Variants in CDH9 observed in about 807,000 individuals in gnomAD.
CDH9 encodes the protein cadherin-9.
Under a neutral mutation model 70.9 loss-of-function variants are expected in CDH9, and 28 were observed. The observed-to-expected ratio is 0.40, with a 90% CI of 0.29 to 0.54. The LOEUF (loss-of-function observed/expected upper bound fraction) is 0.54, where lower values mean the gene tolerates loss of function less well. Among genes scored for constraint, CDH9 ranks in the 20% least tolerant of loss-of-function variants. The probability of loss-of-function intolerance (pLI) is 0.59; values close to 1 mark genes in which losing one functional copy is unlikely to be tolerated. For missense variants in CDH9, 874 were observed against 984.4 expected, an observed-to-expected ratio of 0.89 and a Z score of 1.50; for synonymous variants, 409 against 343.1, an observed-to-expected ratio of 1.19 and a Z score of -2.12.
chr5:27,023,054 T>C (rs1371109928), intron 1 of CDH9, among the ~76,000 whole-genome samples: 4 of 152,078 alleles, frequency 2.6e-5, no homozygotes, highest in Admixed American at 6.6e-5. Flanking sequence ...AGCCCTTAGA[T>C]GTCTTCTAGC....
At chr5:26,976,746 T>A (rs1742308381) in intron 2 of CDH9, among the ~76,000 whole-genome samples, 1 of 152,178 alleles carries the variant, frequency 6.6e-6, no homozygotes, top group African/African-American at 2.4e-5. Context: ...TAGCATTTTT[T>A]AATTGTTGAA....
At chr5:27,000,703 G>GA (rs1160991348) in intron 1 of CDH9, among the ~76,000 whole-genome samples, 3 of 151,922 alleles carry the variant, frequency 2.0e-5, no homozygotes, top group Admixed American at 6.6e-5. Context: ...AAAATTGGTG[G>GA]AAAAAACCTA....
At chr5:26,990,605 T>C (rs1318156455) in intron 1 of CDH9, among the ~76,000 whole-genome samples, 2 of 152,140 alleles carry the variant, frequency 1.3e-5, no homozygotes, top group Non-Finnish European at 2.9e-5. Flanking sequence ...AAATAATGCT[T>C]AGAAAAATGT....
At chr5:26,885,072 T>C (rs1740540865) in intron 11 of CDH9, among the ~76,000 whole-genome samples, 1 of 152,200 alleles carries the variant, frequency 6.6e-6, no homozygotes. Context: ...CACATTTGCA[T>C]GTTAGACATC....
chr5:26,967,599 A>AT (rs1466752871), intron 2 of CDH9, among the ~76,000 whole-genome samples: 1 of 152,220 alleles, frequency 6.6e-6, no homozygotes, highest in Non-Finnish European at 1.5e-5. Context: ...AAATATAGCA[A>AT]TAAGCCACAC....
intron 2 of CDH9, among the ~76,000 whole-genome samples, chr5:26,954,509 C>T (rs552137861): frequency 4.7e-5 from 7 of 150,122 alleles, no homozygotes; most frequent in Non-Finnish European, 8.9e-5. Flanking sequence ...CTCAGCCTCC[C>T]GAGTAGCTGG....
chr5:27,016,269 A>C (rs1743044420), intron 1 of CDH9, among the ~76,000 whole-genome samples: 2 of 151,890 alleles, frequency 1.3e-5, no homozygotes, highest in Non-Finnish European at 2.9e-5. Context: ...TACATTTAAA[A>C]GTCATTTTTA....
chr5:26,961,225 T>C (rs1338187638), intron 2 of CDH9, among the ~76,000 whole-genome samples: 1 of 152,114 alleles, frequency 6.6e-6, no homozygotes, highest in East Asian at 1.9e-4. Flanking sequence ...ATCAAGCTAA[T>C]GAACATATGC....
intron 2 of CDH9, among the ~76,000 whole-genome samples, chr5:26,950,093 A>T (rs1448663832): frequency 6.6e-6 from 1 of 152,138 alleles, no homozygotes; most frequent in East Asian, 1.9e-4. Flanking sequence ...CCACATAAAA[A>T]GGGGTTTTCT....
chr5:26,891,679 AAAACAAAC>A (rs58025140), intron 7 of CDH9, among the ~76,000 whole-genome samples: 1 of 150,306 alleles, frequency 6.7e-6, no homozygotes, highest in Non-Finnish European at 1.5e-5. Context: ...CTCCATCTCA[AAAACAAAC>A]AAACAAACAA....
chr5:27,008,094 C>T (rs1225555748), intron 1 of CDH9, among the ~76,000 whole-genome samples: 1 of 152,066 alleles, frequency 6.6e-6, no homozygotes, highest in Non-Finnish European at 1.5e-5. Context: ...CTGAGCTTGT[C>T]ACTATTTTAA....
chr5:26,926,523 A>G (rs1030705846), intron 2 of CDH9, among the ~76,000 whole-genome samples: 5 of 152,144 alleles, frequency 3.3e-5, no homozygotes, highest in Non-Finnish European at 5.9e-5. Context: ...TGCCCAAGGT[A>G]ATGTATAGAT....
At chr5:26,919,335 G>T (rs1448968657) in intron 2 of CDH9, among the ~76,000 whole-genome samples, 3 of 152,060 alleles carry the variant, frequency 2.0e-5, no homozygotes, top group Non-Finnish European at 4.4e-5. Flanking sequence ...AGCAACTTAG[G>T]GTAGAAGTCA....
intron 6 of CDH9, 117 bp downstream of exon 6, chr5:26,903,520 G>C (rs1378761672): frequency 2.6e-6 from 2 of 780,292 alleles, no homozygotes; most frequent in African/African-American, 3.4e-5. Context: ...TTATCTGAAG[G>C]ATAGACAGCA....
At chr5:27,038,204 G>T (rs1743426736) in intron 1 of CDH9, among the ~76,000 whole-genome samples, 1 of 151,970 alleles carries the variant, frequency 6.6e-6, no homozygotes, top group Non-Finnish European at 1.5e-5. Context: ...GCAAATATGA[G>T]GACTATAAAA....
chr5:27,021,653 A>C (rs535519643), intron 1 of CDH9, among the ~76,000 whole-genome samples: 6 of 151,856 alleles, frequency 4.0e-5, no homozygotes, highest in Non-Finnish European at 8.8e-5. Flanking sequence ...TGGCAAAGAG[A>C]TCCTGTATGC....
chr5:26,902,352 A>G (rs1740871028), intron 7 of CDH9, 124 bp downstream of exon 7: 3 of 633,366 alleles, frequency 4.7e-6, no homozygotes, highest in Non-Finnish European at 8.2e-6. Flanking sequence ...GTTTGTAAAT[A>G]GTGAGATTAT....
In CDH9 at chr5:26,963,414, G is replaced by A. The variant is rs954796038; in HGVS notation, c.228+24692C>T. Among the ~76,000 whole-genome samples the A allele has an allele frequency of 6.6e-5, 10 of 152,104 alleles. 1 individual carries two copies. The highest frequency in any genetic ancestry group is 6.6e-4 in the Admixed American group (10 of 15,262). ...TATAGAAAATAGAGTTAATTATAAA[G>A]GTATCAAATGCCAATTATATCTGTT... On this transcript the variant is annotated intron_variant, in intron 2 of 11. Coordinates refer to ENST00000231021, the MANE Select transcript of CDH9 (RefSeq NM_016279.4).
At chr5:26,954,820 C>T (rs1262265505) in intron 2 of CDH9, among the ~76,000 whole-genome samples, 1 of 151,986 alleles carries the variant, frequency 6.6e-6, no homozygotes, top group African/African-American at 2.4e-5. Context: ...AACAAAATTG[C>T]AAAATATTAA....
Sources: gnomAD v4.1 joint callset for allele counts (sites outside exome capture counted in the v4.1 genomes callset) on GRCh38, gnomAD v4.1.1 for gene constraint, MANE v1.5 for transcripts, NCBI Gene and HGNC (gene_info 2026-07-23, HGNC 2026-07-21) for gene names.